Variants in NME7 observed in about 807,000 individuals in gnomAD.
NME7 encodes NME/NM23 family member 7.
NME7 carries 41 observed loss-of-function variants against 49.1 expected under a neutral mutation model. The observed-to-expected ratio is 0.83, with a 90% CI of 0.65 to 1.08. The LOEUF (loss-of-function observed/expected upper bound fraction) is 1.08, where lower values mean the gene tolerates loss of function less well. NME7 is among the 50% of genes least tolerant of loss of function. NME7 has a pLI of 0.00. For synonymous variants in NME7, 139 were observed against 150.6 expected (o/e 0.92, Z 0.56); for missense variants, 423 against 463.4 (o/e 0.91, Z 0.80).
At chr1:169,263,899 C>T (rs1649237552) in intron 7 of NME7, among the ~76,000 whole-genome samples, 1 of 133,240 alleles carries the variant, frequency 7.5e-6, no homozygotes, top group Admixed American at 7.4e-5. Flanking sequence ...AATAGTGTAC[C>T]TATCAGCAGA....
chr1:169,347,207 G>T (rs1652981458), intron 1 of NME7, among the ~76,000 whole-genome samples: 3 of 152,146 alleles, frequency 2.0e-5, no homozygotes, highest in Middle Eastern at 3.4e-3. Context: ...CTCTAAAAAT[G>T]TAAGTAAATA....
intron 3 of NME7, among the ~76,000 whole-genome samples, chr1:169,317,737 A>G (rs757671739): frequency 6.6e-6 from 1 of 152,186 alleles, no homozygotes; most frequent in Non-Finnish European, 1.5e-5. Context: ...AGTCTACTAG[A>G]GCATGGCAGC....
At chr1:169,321,948 A>AT (rs3834009) in intron 3 of NME7, among the ~76,000 whole-genome samples, 52,993 of 151,846 alleles carry the variant, frequency 0.35, 10,325 homozygotes, top group Non-Finnish European at 0.44. Context: ...GGAAAAAAAA[A>AT]CTCCCCAAAC....
chr1:169,319,439 T>A (rs1011502234), intron 3 of NME7, among the ~76,000 whole-genome samples: 6 of 152,182 alleles, frequency 3.9e-5, no homozygotes, highest in Admixed American at 3.9e-4. Context: ...TATTTAAAAA[T>A]TCAAAAGGTG....
chr1:169,320,436 C>G (rs889077277), intron 3 of NME7, among the ~76,000 whole-genome samples: 1 of 152,148 alleles, frequency 6.6e-6, no homozygotes, highest in Non-Finnish European at 1.5e-5. Context: ...ATCCTCCTCA[C>G]TACAGGCTTT....
intron 1 of NME7, among the ~76,000 whole-genome samples, chr1:169,356,969 C>T (rs1025090743): frequency 3.3e-5 from 5 of 152,166 alleles, no homozygotes; most frequent in Non-Finnish European, 1.5e-5. Flanking sequence ...AGTCATTAGC[C>T]TCTCTTCTGT....
chr1:169,316,737 C>A (rs1031457738), intron 3 of NME7, among the ~76,000 whole-genome samples: 1 of 152,142 alleles, frequency 6.6e-6, no homozygotes, highest in Non-Finnish European at 1.5e-5. Context: ...ATGTGGATGG[C>A]TTCAAGATGT....
chr1:169,245,876 A>G (rs1273107580), intron 7 of NME7, among the ~76,000 whole-genome samples: 1 of 152,202 alleles, frequency 6.6e-6, no homozygotes, highest in Non-Finnish European at 1.5e-5. Context: ...GCAAACATGC[A>G]TAACAAATAA....
At chr1:169,347,801 A>G (rs1440186631) in intron 1 of NME7, among the ~76,000 whole-genome samples, 1 of 152,200 alleles carries the variant, frequency 6.6e-6, no homozygotes, top group Non-Finnish European at 1.5e-5. Context: ...TAAGAATATC[A>G]GCAACTCACT....
Position 169,272,248 on chromosome 1 carries a change from T to A in NME7, c.754+15055A>T, listed in dbSNP as rs1649516020. 3.7e-5 allele frequency among the ~76,000 whole-genome samples: 5 copies of A among 133,554 alleles called. No individual in the cohort carries two copies. In the South Asian group the frequency reaches 1.1e-3, roughly 30 times the overall value. The allele number at this position is 133,554 out of a possible 152,430, so 87.6% of individuals were successfully genotyped here. A position where few individuals can be genotyped will look rare whatever the true frequency, so the allele number is the denominator to read the frequency against. On this transcript the variant is annotated intron_variant, in intron 7 of 11. Transcript: ENST00000367811. The stretch of plus-strand genomic sequence containing the variant: ...ATTTTGATATCAACTTTCACTTACA[T>A]ACAGTATTTTTTGGTTTTAGTTACA...
chr1:169,367,638 C>T lies in NME7; in HGVS notation c.3+70G>A, dbSNP rs1166765020. On this transcript the variant is annotated intron_variant, in intron 1 of 11. Transcript: ENST00000367811. ...GACCGGACAACTTTAAGTGCCCATC[C>T]GCCCGAAGACTTGGAAAGCTAAGTA... is the stretch of plus-strand genomic sequence containing the variant. 3.1e-6 allele frequency: 5 copies of T among 1,593,962 alleles called. No individual in the cohort carries two copies. The Admixed American group carries it at 5.0e-5, about 16-fold the overall frequency.
intron 7 of NME7, among the ~76,000 whole-genome samples, chr1:169,242,546 C>T (rs1648134555): frequency 6.6e-6 from 1 of 151,738 alleles, no homozygotes; most frequent in Non-Finnish European, 1.5e-5. Context: ...TGCTCTGATT[C>T]AACATGGTGC....
chr1:169,348,308 G>GT (rs1014650956), intron 1 of NME7, among the ~76,000 whole-genome samples: 1 of 145,006 alleles, frequency 6.9e-6, no homozygotes, highest in African/African-American at 2.5e-5. Context: ...TCCTGATTAA[G>GT]TTTTTAAAAA....
intron 10 of NME7, among the ~76,000 whole-genome samples, chr1:169,188,084 T>G (rs935327331): frequency 6.6e-6 from 1 of 152,170 alleles, no homozygotes; most frequent in Non-Finnish European, 1.5e-5. Flanking sequence ...CCCTACTCTC[T>G]TCTGGCTTGT....
chr1:169,178,659 C>G (rs919432708), intron 10 of NME7, among the ~76,000 whole-genome samples: 1 of 152,130 alleles, frequency 6.6e-6, no homozygotes, highest in Non-Finnish European at 1.5e-5. Flanking sequence ...CAGTGATATT[C>G]TGAGGCTCCA....
intron 6 of NME7, among the ~76,000 whole-genome samples, chr1:169,288,277 C>A (rs1452722356): frequency 6.6e-6 from 1 of 151,972 alleles, no homozygotes; most frequent in Admixed American, 6.6e-5. Context: ...TCTGTAGGAC[C>A]CCTAGCACCT....
rs943731963 is a variant in NME7, at chr1:169,273,273, T to C, written c.754+14030A>G. ...CCCTCCCTGTGTCCATGTGTTTTCA[T>C]TGTTCAACTCAGACTTATGAGTGAG... On this transcript the variant is annotated intron_variant, in intron 7 of 11. Transcript: ENST00000367811. Among the ~76,000 whole-genome samples the C allele has an allele frequency of 6.9e-5, 9 of 129,558 alleles. 2 individuals are homozygous for C. Among genetic ancestry groups the C allele is most frequent in the Non-Finnish European group, 1.3e-4 (7 of 55,402 alleles). 85.0% of individuals were successfully genotyped at this position (129,558 alleles called of 152,430 possible).
chr1:169,185,492 T>C (rs2101754422), intron 10 of NME7, among the ~76,000 whole-genome samples: 1 of 152,314 alleles, frequency 6.6e-6, no homozygotes. Context: ...TGAAGCTTAT[T>C]AATACTTTCA....
At position 169,257,520 on chromosome 1, in the gene NME7, G is replaced by A. The variant is rs959840298; in HGVS notation, c.755-19833C>T. Among the ~76,000 whole-genome samples, 16 of 133,186 alleles carry A rather than the reference G, an allele frequency of 1.2e-4. 3 individuals are homozygous for A. In the South Asian group the frequency reaches 3.0e-3, roughly 25 times the overall value. 87.4% of individuals were successfully genotyped at this position (133,186 alleles called of 152,430 possible). A position where few individuals can be genotyped will look rare whatever the true frequency, so the allele number is the denominator to read the frequency against. On this transcript the variant is annotated intron_variant, in intron 7 of 11. Transcript: ENST00000367811. Reference sequence around the variant, plus strand: ...TCAGATGTAAATGCAGAAATCACCCGTCTTCTGCGTCGCTCACGCTGGGAG... The same window carrying A: ...TCAGATGTAAATGCAGAAATCACCCATCTTCTGCGTCGCTCACGCTGGGAG...
Sources: gnomAD v4.1 joint callset for allele counts (sites outside exome capture counted in the v4.1 genomes callset) on GRCh38, gnomAD v4.1.1 for gene constraint, MANE v1.5 for transcripts, NCBI Gene and HGNC (gene_info 2026-07-23, HGNC 2026-07-21) for gene names.